AKAP3: variants seen among roughly 807,000 people sequenced by gnomAD.
The protein encoded by AKAP3 is A-kinase anchoring protein 3.
Under a neutral mutation model 57.2 loss-of-function variants are expected in AKAP3, and 27 were observed. The observed-to-expected ratio is 0.47, with a 90% CI of 0.35 to 0.65. AKAP3 has a LOEUF of 0.65. AKAP3 is among the 30% of genes least tolerant of loss of function. The pLI is 0.01. For missense variants in AKAP3, 959 were observed against 1,040.0 expected (o/e 0.92, Z 1.07); for synonymous variants, 334 against 392.3 (o/e 0.85, Z 1.76).
In AKAP3 at chr12:4,615,616, T is replaced by C; in HGVS notation, c.*123A>G. 8.3e-7 allele frequency: 1 copy of C among 1,198,582 alleles called. No homozygotes were observed. Among genetic ancestry groups the C allele is most frequent in the Admixed American group, 2.5e-5 (1 of 39,618 alleles). 74.2% of individuals were successfully genotyped at this position (1,198,582 alleles called of 1,614,324 possible). A position where few individuals can be genotyped will look rare whatever the true frequency, so the allele number is the denominator to read the frequency against. On this transcript the variant is annotated 3_prime_UTR_variant, in exon 6 of 6. Coordinates refer to ENST00000228850, the MANE Select transcript of AKAP3 (RefSeq NM_001278309.2). ...CAAGATGACATGTCTTTGATGAGAG[T>C]GGTGTGAAGATAATGTTAGGGCTCT...
intron 5 of AKAP3, among the ~76,000 whole-genome samples, chr12:4,624,705 C>T (rs181018870): frequency 4.0e-5 from 6 of 151,370 alleles, no homozygotes; most frequent in East Asian, 3.9e-4. Flanking sequence ...ATATTCAGTG[C>T]GTCTATTTAT....
intron 4 of AKAP3, among the ~76,000 whole-genome samples, chr12:4,629,301 A>G (rs1226582571): frequency 6.6e-6 from 1 of 152,248 alleles, no homozygotes; most frequent in Non-Finnish European, 1.5e-5. Flanking sequence ...TTATGGCTGC[A>G]TAGTATTCCA....
Position 4,627,154 on chromosome 12 carries a change from T to C in AKAP3, c.1748A>G (p.Glu583Gly). The change falls in exon 5 of 6, where the codon GAA becomes GGA. Residue 583 changes from glutamate to glycine, a missense_variant. Coordinates refer to ENST00000228850, the MANE Select transcript of AKAP3 (RefSeq NM_001278309.2). Reference protein sequence around the residue: ...LKSAPIVGDQEQAEKKDLRSV... With the variant: ...LKSAPIVGDQGQAEKKDLRSV... ...CCTTAGGTCCTTCTTTTCTGCTTGT[T>C]CTTGGTCACCTACAATGGGAGCAGA... 6.2e-7 allele frequency: 1 copy of C among 1,614,130 alleles called. No individual in the cohort carries two copies.
chr12:4,648,927 AG>A lies in AKAP3; in HGVS notation c.-428del. ...GCCTATACAGCCTATTCCAGATCTG[AG>A]ATTCCAACAGCCAAAGTCTTTTCAC... is the stretch of plus-strand genomic sequence containing the variant. On this transcript the variant is annotated 5_prime_UTR_variant, in exon 1 of 6. Transcript: ENST00000228850. The A allele has an allele frequency of 1.6e-6, 1 of 617,914 alleles. No individual in the cohort carries two copies. The highest frequency in any genetic ancestry group is 2.1e-5 in the South Asian group (1 of 48,742). 38.3% of individuals were successfully genotyped at this position (617,914 alleles called of 1,614,324 possible).
At chr12:4,618,792 C>T (rs1454424486) in intron 5 of AKAP3, among the ~76,000 whole-genome samples, 1 of 152,176 alleles carries the variant, frequency 6.6e-6, no homozygotes, top group African/African-American at 2.4e-5. Flanking sequence ...ACTAAAATCA[C>T]AAGACATAAA....
At chr12:4,617,152 T>C (rs1175037313) in intron 5 of AKAP3, among the ~76,000 whole-genome samples, 6 of 152,080 alleles carry the variant, frequency 3.9e-5, no homozygotes. Context: ...TCAGAAACCA[T>C]AGAGGACAGA....
chr12:4,628,652 C>T lies in AKAP3; in HGVS notation c.250G>A (p.Asp84Asn), dbSNP rs1187353693. Residue 84 changes from aspartate (D) to asparagine (N), a missense_variant, in exon 5 of 6, where the codon GAC (aspartate) becomes AAC (asparagine). Asp to Asn is a conservative substitution (Grantham distance 23). Transcript: ENST00000228850. The part of the protein sequence containing the change: ...SGDPHKGFSV[D>N]YYNTTTKGTP... ...CCCTTGGTGGTGGTGTTGTAATAGTCTACAGAGAAACCTTTGTGTGGGTCT... is the reference window on the plus strand; with the variant it reads ...CCCTTGGTGGTGGTGTTGTAATAGTTTACAGAGAAACCTTTGTGTGGGTCT... The T allele has an allele frequency of 1.2e-6, 2 of 1,614,210 alleles. No homozygotes were observed. Among genetic ancestry groups the T allele is most frequent in the African/African-American group, 2.7e-5 (2 of 75,062 alleles).
chr12:4,633,620 G>A (rs1945526728), intron 4 of AKAP3, among the ~76,000 whole-genome samples: 1 of 151,814 alleles, frequency 6.6e-6, no homozygotes, highest in Admixed American at 6.6e-5. Flanking sequence ...GAGCAATTAG[G>A]GAAGGAAGAT....
intron 4 of AKAP3, among the ~76,000 whole-genome samples, 179 bp downstream of exon 4, chr12:4,637,922 A>G (rs1945586552): frequency 6.6e-6 from 1 of 152,138 alleles, no homozygotes; most frequent in Admixed American, 6.5e-5. Context: ...TAGGATGGGA[A>G]TTTTTTCCAG....
At chr12:4,622,246 CAATGA>C (rs915555513) in intron 5 of AKAP3, among the ~76,000 whole-genome samples, 1 of 152,126 alleles carries the variant, frequency 6.6e-6, no homozygotes, top group African/African-American at 2.4e-5. Flanking sequence ...ATTAAACTAC[CAATGA>C]AATTCTTCAT....
At chr12:4,626,360 G>A (rs561924163) in intron 5 of AKAP3, 136 bp downstream of exon 5, 1 of 1,073,686 alleles carries the variant, frequency 9.3e-7, no homozygotes, top group South Asian at 1.7e-5. Flanking sequence ...TCTCTGCCAG[G>A]AGGCATGATC....
intron 3 of AKAP3, among the ~76,000 whole-genome samples, chr12:4,639,881 AT>A (rs946823283): frequency 9.4e-5 from 13 of 138,370 alleles, no homozygotes; most frequent in Non-Finnish European, 1.7e-4. Flanking sequence ...CAGTGGCACC[AT>A]CTCGGCTCAC....
At chr12:4,634,576 G>A (rs1945540803) in intron 4 of AKAP3, among the ~76,000 whole-genome samples, 1 of 152,008 alleles carries the variant, frequency 6.6e-6, no homozygotes, top group African/African-American at 2.4e-5. Flanking sequence ...CCTATGTAAT[G>A]GCCAGCAGTG....
chr12:4,624,313 TTACGTGTGTGTGTG>T (rs1565549926), intron 5 of AKAP3, among the ~76,000 whole-genome samples: 3 of 112,078 alleles, frequency 2.7e-5, no homozygotes, highest in African/African-American at 1.0e-4. Context: ...ATTTGTGACT[TTACGTGTGTGTGTG>T]TGTGTGTGTG....
Position 4,627,659 on chromosome 12 carries a change from G to T in AKAP3, c.1243C>A (p.Pro415Thr). The T allele has an allele frequency of 6.2e-7, 1 of 1,613,952 alleles. No homozygotes were observed. The highest frequency in any genetic ancestry group is 8.5e-7 in the Non-Finnish European group (1 of 1,180,008). Residue 415 changes from proline to threonine, a missense_variant, in exon 5 of 6, where the codon CCT becomes ACT. Coordinates refer to ENST00000228850, the MANE Select transcript of AKAP3 (RefSeq NM_001278309.2). ...GCAAAGTTCACATTTCGGTTTTTAG[G>T]ATCACCCATTCCTTTCATGGAGATG... Reference protein sequence around the residue: ...SLISMKGMGDPKNRNVNFAMK... With the variant: ...SLISMKGMGDTKNRNVNFAMK...
chr12:4,618,509 A>C (rs562008692), intron 5 of AKAP3, among the ~76,000 whole-genome samples: 1 of 152,372 alleles, frequency 6.6e-6, no homozygotes, highest in Non-Finnish European at 1.5e-5. Flanking sequence ...ATTATCAAGC[A>C]TGTAGGCAAA....
rs755514292 is a variant in AKAP3 at position 4,638,211 on chromosome 12, A to G, written c.1-15T>C. ...TTTTCTGACATCTGGAAGCAGGGGA[A>G]AAAAATGAGAAAGGGTCATCACAAG... On this transcript the variant is annotated splice_polypyrimidine_tract_variant and intron_variant, in intron 3 of 5. Transcript: ENST00000228850. 4 of 1,566,102 alleles carry G rather than the reference A, an allele frequency of 2.6e-6. No homozygotes were observed. The highest frequency in any genetic ancestry group is 2.2e-5 in the East Asian group (1 of 44,590).
At chr12:4,638,485 C>T (rs1472117637) in intron 3 of AKAP3, among the ~76,000 whole-genome samples, 1 of 152,116 alleles carries the variant, frequency 6.6e-6, no homozygotes, top group African/African-American at 2.4e-5. Flanking sequence ...CCTAGGCAGC[C>T]ATGTCCCGCC....
chr12:4,635,738 C>A, intron 4 of AKAP3: 1 of 719,396 alleles, frequency 1.4e-6, no homozygotes, highest in Middle Eastern at 2.6e-4. Flanking sequence ...TGGTGCTAGG[C>A]TACGGTATCA....
Sources: gnomAD v4.1 joint callset for allele counts (sites outside exome capture counted in the v4.1 genomes callset) on GRCh38, gnomAD v4.1.1 for gene constraint, MANE v1.5 for transcripts, NCBI Gene and HGNC (gene_info 2026-07-23, HGNC 2026-07-21) for gene names.